Variants in RFFL observed in about 807,000 individuals in gnomAD.
RFFL encodes ring finger and FYVE like domain containing E3 ubiquitin protein ligase.
Under a neutral mutation model 40.4 loss-of-function variants are expected in RFFL, and 16 were observed. That is an observed-to-expected ratio of 0.40 (90% CI 0.27 to 0.60). The LOEUF is 0.60. Among genes scored for constraint, RFFL ranks in the 20% least tolerant of loss-of-function variants. RFFL has a pLI of 0.47. For synonymous variants in RFFL, 154 were observed against 167.9 expected (o/e 0.92, Z 0.64); for missense variants, 367 against 451.7 (o/e 0.81, Z 1.70).
At position 35,087,114 on chromosome 17, in the gene RFFL, C is replaced by T. The variant is rs150359726; in HGVS notation, c.-9+1991G>A. ...GTGGCTCACATCTGTAATCTCAGAACTTGGGGAAGCCAAGGCAGGAGGATT... is the reference window on the plus strand; with the variant it reads ...GTGGCTCACATCTGTAATCTCAGAATTTGGGGAAGCCAAGGCAGGAGGATT... On this transcript the variant is annotated intron_variant, in intron 1 of 6. Coordinates refer to the RFFL transcript ENST00000315249. Among the ~76,000 whole-genome samples, 3 of 152,258 alleles carry T rather than the reference C, an allele frequency of 2.0e-5. No individual in the cohort carries two copies. The East Asian group carries it at 5.8e-4, about 29-fold the overall frequency.
At chr17:35,032,842 T>C (rs1052058958) in intron 1 of RFFL, among the ~76,000 whole-genome samples, 2 of 152,066 alleles carry the variant, frequency 1.3e-5, no homozygotes, top group African/African-American at 4.8e-5. Flanking sequence ...AGAGTGTTTT[T>C]AGTTTCAAGA....
chr17:35,066,509 C>T (rs935153537), upstream of RFFL, among the ~76,000 whole-genome samples: 1 of 152,090 alleles, frequency 6.6e-6, no homozygotes, highest in Non-Finnish European at 1.5e-5. Context: ...TTAGCTTTAT[C>T]CAAATTACCC....
intron 1 of RFFL, among the ~76,000 whole-genome samples, chr17:35,035,244 A>C (rs2091112702): frequency 6.6e-6 from 1 of 152,076 alleles, no homozygotes; most frequent in Non-Finnish European, 1.5e-5. Context: ...CCCCGTCTCT[A>C]CTAAAAATAC....
chr17:35,072,428 G>A (rs1418689902), intron 1 of RFFL, among the ~76,000 whole-genome samples: 4 of 151,986 alleles, frequency 2.6e-5, no homozygotes, highest in African/African-American at 9.7e-5. Flanking sequence ...TAGAGACACC[G>A]AACAGATTAC....
intron 1 of RFFL, among the ~76,000 whole-genome samples, chr17:35,048,436 A>G (rs1367290727): frequency 7.2e-5 from 11 of 152,066 alleles, no homozygotes. Context: ...AAAAAAATAA[A>G]AATTTAGGTA....
intron 1 of RFFL, among the ~76,000 whole-genome samples, chr17:35,068,976 G>A (rs1286828422): frequency 6.6e-6 from 1 of 152,060 alleles, no homozygotes; most frequent in African/African-American, 2.4e-5. Flanking sequence ...ACAGTAGAAG[G>A]GCAGGGAAAA....
At chr17:35,040,582 G>A (rs1253677322) in intron 1 of RFFL, among the ~76,000 whole-genome samples, 47 of 147,188 alleles carry the variant, frequency 3.2e-4, no homozygotes, top group African/African-American at 7.3e-4. Flanking sequence ...CAACCTGGGC[G>A]ACAGAGCGAG....
At chr17:35,016,267 A>G (rs1201523039) in intron 5 of RFFL, 103 bp downstream of exon 5, 1 of 1,017,000 alleles carries the variant, frequency 9.8e-7, no homozygotes, top group African/African-American at 1.6e-5. Context: ...GTCTCCTTCC[A>G]TGGCTTAAGT....
chr17:35,078,550 C>T (rs547907293), intron 1 of RFFL, among the ~76,000 whole-genome samples: 54 of 152,332 alleles, frequency 3.5e-4, no homozygotes, highest in African/African-American at 1.3e-3. Context: ...GATCTGCCTG[C>T]CTTGGCCTCC....
intron 5 of RFFL, among the ~76,000 whole-genome samples, chr17:35,015,769 C>G (rs2090969570): frequency 6.6e-6 from 1 of 152,236 alleles, no homozygotes; most frequent in Non-Finnish European, 1.5e-5. Flanking sequence ...TTCTGCAGGA[C>G]TTCTCTGCCT....
intron 1 of RFFL, among the ~76,000 whole-genome samples, chr17:35,042,515 T>A (rs1376113536): frequency 6.6e-6 from 1 of 152,142 alleles, no homozygotes; most frequent in African/African-American, 2.4e-5. Context: ...TTCTGAGATA[T>A]TTATTTTAGA....
intron 1 of RFFL, among the ~76,000 whole-genome samples, chr17:35,036,799 T>C (rs777799337): frequency 6.6e-6 from 1 of 152,180 alleles, no homozygotes; most frequent in Middle Eastern, 3.2e-3. Context: ...ACCTATTAAG[T>C]CCTAGATTCC....
At chr17:35,072,280 CA>C (rs373207024) in intron 1 of RFFL, among the ~76,000 whole-genome samples, 8,282 of 69,926 alleles carry the variant, frequency 0.12, 203 homozygotes, top group African/African-American at 0.17. Context: ...GACACTGTCT[CA>C]AAAAAAAAAA....
At chr17:35,069,335 G>A (rs756311841) in intron 1 of RFFL, 45 of 456,486 alleles carry the variant, frequency 9.9e-5, no homozygotes, top group African/African-American at 6.4e-4. Context: ...TTGTCAACAC[G>A]TGTTTCATCT....
upstream of RFFL, among the ~76,000 whole-genome samples, chr17:35,065,459 G>A (rs1286172104): frequency 6.6e-6 from 1 of 151,864 alleles, no homozygotes; most frequent in Non-Finnish European, 1.5e-5. Flanking sequence ...GGGAGGCTGA[G>A]GCAGGAGAAT....
intron 1 of RFFL, among the ~76,000 whole-genome samples, chr17:35,056,367 T>C (rs1444503487): frequency 6.7e-6 from 1 of 149,568 alleles, no homozygotes; most frequent in East Asian, 1.9e-4. Flanking sequence ...TAGTGAATTT[T>C]ACTTCTACTT....
chr17:35,042,896 G>A (rs1231030806), intron 1 of RFFL, among the ~76,000 whole-genome samples: 1 of 151,680 alleles, frequency 6.6e-6, no homozygotes, highest in East Asian at 1.9e-4. Context: ...ACATGTATAT[G>A]GTAGAACTTT....
chr17:35,050,779 C>T (rs1461369444), intron 1 of RFFL, among the ~76,000 whole-genome samples: 2 of 152,196 alleles, frequency 1.3e-5, no homozygotes, highest in Non-Finnish European at 2.9e-5. Flanking sequence ...TTGAGACCAG[C>T]CTGACCAACA....
intron 1 of RFFL, among the ~76,000 whole-genome samples, chr17:35,076,381 T>A (rs958719754): frequency 6.6e-6 from 1 of 151,930 alleles, no homozygotes; most frequent in African/African-American, 2.4e-5. Flanking sequence ...GCAGTAATTT[T>A]AAAAATAATA....
Sources: allele counts gnomAD v4.1 joint callset (sites outside exome capture counted in the v4.1 genomes callset), GRCh38; gene constraint gnomAD v4.1.1; transcripts MANE v1.5; gene names NCBI Gene and HGNC (gene_info 2026-07-23, HGNC 2026-07-21).